The following LIPC variants were observed in gnomAD, a reference collection of about 807,000 sequenced individuals.
LIPC encodes hepatic triacylglycerol lipase.
In LIPC, 44 loss-of-function variants were observed where a neutral mutation model predicts 50.7. The observed-to-expected ratio is 0.87, with a 90% CI of 0.68 to 1.11. The LOEUF (loss-of-function observed/expected upper bound fraction) is 1.11, where lower values mean the gene tolerates loss of function less well. Among genes scored for constraint, LIPC ranks in the 50% most tolerant of loss-of-function variants. The pLI is 0.00. For missense variants in LIPC, 697 were observed against 648.2 expected (o/e 1.08, Z -0.82); for synonymous variants, 271 against 256.4 (o/e 1.06, Z -0.54).
At chr15:58,522,214 C>G (rs1048419573) in intron 1 of LIPC, 7 of 153,388 alleles carry the variant, frequency 4.6e-5, no homozygotes, top group Non-Finnish European at 7.3e-5. Flanking sequence ...TAAGCCTGAT[C>G]CTACACCTTC....
chr15:58,560,925 T>A lies in LIPC; in HGVS notation c.1113T>A (p.Thr371=). Reference sequence around the variant, plus strand: ...AAACTGAGACACCAATACAAACAACTTTTACCATGTCACTACTCGGAACAA... The same window carrying A: ...AAACTGAGACACCAATACAAACAACATTTACCATGTCACTACTCGGAACAA... ...INQTETPIQT[T]FTMSLLGTKE... Residue 371 remains threonine, a synonymous_variant, in exon 7 of 9, where the codon ACT becomes ACA. Transcript: ENST00000299022. The A allele has an allele frequency of 6.4e-7, 1 of 1,570,402 alleles. No individual in the cohort carries two copies. The highest frequency in any genetic ancestry group is 8.8e-7 in the Non-Finnish European group (1 of 1,139,976).
intron 1 of LIPC, among the ~76,000 whole-genome samples, chr15:58,471,269 T>C (rs1169055828): frequency 2.1e-5 from 3 of 144,542 alleles, no homozygotes; most frequent in Non-Finnish European, 4.5e-5. Flanking sequence ...CCCGAGTAGC[T>C]GGGATTACAG....
chr15:58,463,713 C>T (rs568387186), intron 1 of LIPC, among the ~76,000 whole-genome samples: 4 of 152,284 alleles, frequency 2.6e-5, no homozygotes, highest in East Asian at 1.9e-4. Context: ...TGTTTCTCGG[C>T]GACCTAGGCA....
At chr15:58,479,004 C>G (rs541935281) in intron 1 of LIPC, among the ~76,000 whole-genome samples, 1 of 152,342 alleles carries the variant, frequency 6.6e-6, no homozygotes, top group African/African-American at 2.4e-5. Context: ...GTCCACTGGA[C>G]TTTCAGATGT....
chr15:58,555,469 G>A (rs564478619), intron 6 of LIPC, among the ~76,000 whole-genome samples: 2 of 152,324 alleles, frequency 1.3e-5, no homozygotes, highest in African/African-American at 4.8e-5. Context: ...CTTGCAGAAC[G>A]AAAACAGCAG....
At chr15:58,533,800 T>C (rs983960017) in intron 1 of LIPC, among the ~76,000 whole-genome samples, 29 of 152,346 alleles carry the variant, frequency 1.9e-4, no homozygotes, top group African/African-American at 7.0e-4. Flanking sequence ...TTTTTCTAAA[T>C]AATAATATTC....
chr15:58,535,016 C>T (rs940871942), intron 1 of LIPC, among the ~76,000 whole-genome samples: 1 of 152,188 alleles, frequency 6.6e-6, no homozygotes, highest in African/African-American at 2.4e-5. Flanking sequence ...CTCATGTCAT[C>T]CTCCCAATCT....
chr15:58,557,993 CAG>C (rs1894017063), intron 6 of LIPC, among the ~76,000 whole-genome samples: 1 of 152,170 alleles, frequency 6.6e-6, no homozygotes, highest in African/African-American at 2.4e-5. Flanking sequence ...TCTGGGATGA[CAG>C]GCTAAGTCCC....
chr15:58,517,895 G>A (rs1169000669), intron 1 of LIPC, among the ~76,000 whole-genome samples: 1 of 152,214 alleles, frequency 6.6e-6, no homozygotes, highest in Admixed American at 6.5e-5. Flanking sequence ...CCTTGCGGAG[G>A]TTAAATGATC....
At chr15:58,497,031 T>C (rs990618475) in intron 1 of LIPC, among the ~76,000 whole-genome samples, 47 of 152,046 alleles carry the variant, frequency 3.1e-4, no homozygotes, top group African/African-American at 1.0e-3. Context: ...GTCCGTGAGG[T>C]ACAAATGCAC....
At chr15:58,433,487 G>C (rs962831580) in intron 1 of LIPC, among the ~76,000 whole-genome samples, 2 of 152,108 alleles carry the variant, frequency 1.3e-5, no homozygotes, top group Non-Finnish European at 2.9e-5. Context: ...GGCTTCTTTC[G>C]TTCGACATTA....
intron 1 of LIPC, among the ~76,000 whole-genome samples, chr15:58,531,497 A>G (rs1411004767): frequency 6.6e-6 from 1 of 152,176 alleles, no homozygotes; most frequent in Non-Finnish European, 1.5e-5. Context: ...ATTCAAGAGA[A>G]TTTAAGAGAA....
chr15:58,507,443 A>G (rs1466032461), intron 1 of LIPC, among the ~76,000 whole-genome samples: 1 of 152,204 alleles, frequency 6.6e-6, no homozygotes, highest in Admixed American at 6.5e-5. Context: ...TTGGAATGTG[A>G]TCAGTCATCT....
chr15:58,547,817 G>C (rs1477141877), intron 5 of LIPC, among the ~76,000 whole-genome samples: 1 of 151,978 alleles, frequency 6.6e-6, no homozygotes, highest in African/African-American at 2.4e-5. Context: ...ACATTGTCGA[G>C]AGGCCTCAGC....
intron 1 of LIPC, among the ~76,000 whole-genome samples, chr15:58,463,498 C>G (rs542183298): frequency 6.6e-6 from 1 of 152,336 alleles, no homozygotes; most frequent in African/African-American, 2.4e-5. Flanking sequence ...AACTTCCCGC[C>G]CACTGCTCCC....
At chr15:58,443,008 G>T (rs961031948) in intron 1 of LIPC, among the ~76,000 whole-genome samples, 1 of 152,196 alleles carries the variant, frequency 6.6e-6, no homozygotes, top group Non-Finnish European at 1.5e-5. Context: ...CGCTTGCAGG[G>T]TTCAAGCGAT....
chr15:58,560,180 A>C (rs1643314124), intron 6 of LIPC, among the ~76,000 whole-genome samples: 1 of 152,260 alleles, frequency 6.6e-6, no homozygotes, highest in African/African-American at 2.4e-5. Flanking sequence ...AGACTGTATT[A>C]GGTAAAGAAG....
chr15:58,510,123 G>A (rs183946711), intron 1 of LIPC, among the ~76,000 whole-genome samples: 1 of 152,258 alleles, frequency 6.6e-6, no homozygotes, highest in East Asian at 1.9e-4. Context: ...TGCCAACATG[G>A]TGCTAGGTAC....
intron 8 of LIPC, chr15:58,565,081 C>G (rs1415277878): frequency 1.0e-6 from 1 of 962,596 alleles, no homozygotes; most frequent in Non-Finnish European, 1.6e-6. Context: ...AGATGTATGC[C>G]CCTGAGTCCC....
Sources: gnomAD v4.1 joint callset for allele counts (sites outside exome capture counted in the v4.1 genomes callset) on GRCh38, gnomAD v4.1.1 for gene constraint, MANE v1.5 for transcripts, NCBI Gene and HGNC (gene_info 2026-07-23, HGNC 2026-07-21) for gene names.